Variants in SPIRE1 observed in about 807,000 individuals in gnomAD.
SPIRE1 encodes spire type actin nucleation factor 1.
In SPIRE1, 40 loss-of-function variants were observed where a neutral mutation model predicts 94.1. The observed-to-expected ratio is 0.43, with a 90% CI of 0.33 to 0.55. The LOEUF is 0.55. SPIRE1 is among the 20% of genes least tolerant of loss of function. The probability of loss-of-function intolerance (pLI) is 0.06; values close to 1 mark genes in which losing one functional copy is unlikely to be tolerated. For synonymous variants in SPIRE1, 376 were observed against 371.7 expected (o/e 1.01, Z -0.13); for missense variants, 838 against 975.2 (o/e 0.86, Z 1.87).
intron 6 of SPIRE1, among the ~76,000 whole-genome samples, chr18:12,500,368 A>C (rs867449523): frequency 6.6e-6 from 1 of 152,244 alleles, no homozygotes; most frequent in Non-Finnish European, 1.5e-5. Flanking sequence ...CATATATGAC[A>C]TTGTGAATCA....
rs142660671 is a variant in SPIRE1 at position 12,556,623 on chromosome 18, G to A, written c.373-9719C>T. 2.0e-3 allele frequency among the ~76,000 whole-genome samples: 298 copies of A among 152,196 alleles called. 1 individual carries two copies. The highest frequency in any genetic ancestry group is 6.5e-3 in the African/African-American group (268 of 41,518). Reference sequence around the variant, plus strand: ...TTCAGGAGTGAAGCTGCAGACCTTCGCCATGAGTGTTACAGCTCTTAAAGG... The same window carrying A: ...TTCAGGAGTGAAGCTGCAGACCTTCACCATGAGTGTTACAGCTCTTAAAGG... On this transcript the variant is annotated intron_variant, in intron 2 of 16. Coordinates refer to ENST00000409402, the MANE Select transcript of SPIRE1 (RefSeq NM_001128626.2).
intron 10 of SPIRE1, among the ~76,000 whole-genome samples, chr18:12,472,252 AG>A (rs1213663338): frequency 1.3e-5 from 2 of 152,146 alleles, no homozygotes; most frequent in Non-Finnish European, 2.9e-5. Context: ...TGGGAGTTCA[AG>A]ACCCCTGTCT....
chr18:12,639,077 A>T (rs2038014941), intron 1 of SPIRE1, among the ~76,000 whole-genome samples: 1 of 152,162 alleles, frequency 6.6e-6, no homozygotes, highest in African/African-American at 2.4e-5. Context: ...GTCCAGGCTA[A>T]CTACCATTTC....
intron 2 of SPIRE1, among the ~76,000 whole-genome samples, chr18:12,630,592 G>C (rs1245763826): frequency 6.6e-6 from 1 of 152,250 alleles, no homozygotes; most frequent in African/African-American, 2.4e-5. Flanking sequence ...CTGGGAGGCA[G>C]AGGTTGCAGT....
chr18:12,472,128 G>A lies in SPIRE1; in HGVS notation c.1405-7170C>T, dbSNP rs150086153. ...ACAAGGATCATAGCTGCTATCTATG[G>A]TCTTTGTGAAGACAAACTGATTTAT... On this transcript the variant is annotated intron_variant, in intron 10 of 16. Transcript: ENST00000409402. 6.6e-5 allele frequency among the ~76,000 whole-genome samples: 10 copies of A among 152,176 alleles called. No homozygotes were observed. In the East Asian group the frequency reaches 1.7e-3, roughly 26 times the overall value.
chr18:12,584,695 G>A (rs12954350), intron 2 of SPIRE1, among the ~76,000 whole-genome samples: 11,188 of 152,192 alleles, frequency 0.074, 575 homozygotes, highest in Non-Finnish European at 0.11. Context: ...CTTGGTGGCT[G>A]AGATGGGAAG....
At chr18:12,543,835 C>T (rs1490325338) in intron 3 of SPIRE1, among the ~76,000 whole-genome samples, 1 of 152,194 alleles carries the variant, frequency 6.6e-6, no homozygotes, top group African/African-American at 2.4e-5. Context: ...TCAGATAATT[C>T]TTGTCTTCTC....
chr18:12,580,472 C>T (rs1197558395), intron 2 of SPIRE1, among the ~76,000 whole-genome samples: 1 of 151,976 alleles, frequency 6.6e-6, no homozygotes, highest in African/African-American at 2.4e-5. Flanking sequence ...TACAGGTGTG[C>T]ACCACCATGC....
At chr18:12,477,721 C>CAAA (rs1381332811) in intron 10 of SPIRE1, among the ~76,000 whole-genome samples, 1 of 152,096 alleles carries the variant, frequency 6.6e-6, no homozygotes. Context: ...CTTCCTAAGA[C>CAAA]AAAGCGAGGC....
intron 2 of SPIRE1, among the ~76,000 whole-genome samples, chr18:12,569,636 C>CA (rs71172101): frequency 0.5 from 70,642 of 141,888 alleles, 17,590 homozygotes; most frequent in East Asian, 0.6. Context: ...ACAACAACAA[C>CA]AAAAAAAAAA....
At chr18:12,549,092 T>C (rs1363164840) in intron 2 of SPIRE1, among the ~76,000 whole-genome samples, 1 of 152,180 alleles carries the variant, frequency 6.6e-6, no homozygotes, top group Non-Finnish European at 1.5e-5. Context: ...TCTCACAGCA[T>C]GTACCATTCT....
At chr18:12,643,780 A>G (rs1431979350) in intron 1 of SPIRE1, among the ~76,000 whole-genome samples, 4 of 152,060 alleles carry the variant, frequency 2.6e-5, no homozygotes, top group African/African-American at 9.7e-5. Flanking sequence ...TACATATACT[A>G]TATATAGTCA....
At chr18:12,478,303 GTGTA>G (rs1483685092) in intron 10 of SPIRE1, among the ~76,000 whole-genome samples, 3 of 151,320 alleles carry the variant, frequency 2.0e-5, no homozygotes, top group Non-Finnish European at 4.4e-5. Context: ...AAGCTGGGGT[GTGTA>G]TGTGTGTGTA....
chr18:12,577,563 A>G (rs1403139351), intron 2 of SPIRE1, among the ~76,000 whole-genome samples: 1 of 152,240 alleles, frequency 6.6e-6, no homozygotes. Context: ...CAGATTTTTA[A>G]ATGTTATCTA....
At chr18:12,557,731 T>TATATAA (rs1555624401) in intron 2 of SPIRE1, among the ~76,000 whole-genome samples, 2 of 150,514 alleles carry the variant, frequency 1.3e-5, no homozygotes, top group African/African-American at 4.9e-5. Context: ...TATATATATA[T>TATATAA]AAAATACCAC....
intron 1 of SPIRE1, among the ~76,000 whole-genome samples, chr18:12,655,782 G>C (rs1018839649): frequency 6.6e-6 from 1 of 152,130 alleles, no homozygotes; most frequent in Non-Finnish European, 1.5e-5. Context: ...TAAGTGACAA[G>C]ACAATGTAAA....
intron 9 of SPIRE1, among the ~76,000 whole-genome samples, chr18:12,481,279 C>T (rs114769832): frequency 0.026 from 3,815 of 148,398 alleles, 167 homozygotes; most frequent in African/African-American, 0.09. Context: ...AAGAACAACC[C>T]CCGCCCCCCG....
chr18:12,652,448 A>T (rs1182446329), intron 1 of SPIRE1, among the ~76,000 whole-genome samples: 4 of 151,914 alleles, frequency 2.6e-5, no homozygotes, highest in Non-Finnish European at 5.9e-5. Context: ...AGAATCATAA[A>T]CTCTCTTGAT....
intron 16 of SPIRE1, chr18:12,451,028 G>A: frequency 2.5e-6 from 1 of 399,978 alleles, no homozygotes; most frequent in Non-Finnish European, 4.6e-6. Context: ...AGAAGGAGGG[G>A]AGGAGGAGGA....
Sources: gnomAD v4.1 joint callset for allele counts (sites outside exome capture counted in the v4.1 genomes callset) on GRCh38, gnomAD v4.1.1 for gene constraint, MANE v1.5 for transcripts, NCBI Gene and HGNC (gene_info 2026-07-23, HGNC 2026-07-21) for gene names.